SPMIP11: variants seen among roughly 807,000 people sequenced by gnomAD.
SPMIP11 encodes the protein long intergenic non-protein coding RNA 935.
chr12:48,770,200 G>A, the SPMIP11 span, among the ~76,000 whole-genome samples: 1 of 151,390 alleles, frequency 6.6e-6, no homozygotes, highest in Admixed American at 6.6e-5. Context: ...CACCGCGCCC[G>A]GCATGGCTTC....
At chr12:48,759,208 G>A in the SPMIP11 span, 1 of 702,820 alleles carries the variant, frequency 1.4e-6, no homozygotes, top group South Asian at 1.5e-5. Flanking sequence ...TCTAATTTCA[G>A]ACCAGAAGGA....
chr12:48,752,475 C>T, the SPMIP11 span, among the ~76,000 whole-genome samples: 1 of 152,238 alleles, frequency 6.6e-6, no homozygotes, highest in East Asian at 1.9e-4. Flanking sequence ...CCCAGGCTCA[C>T]CATTCCTCTT....
chr12:48,743,163 T>C, the SPMIP11 span, among the ~76,000 whole-genome samples: 1 of 148,818 alleles, frequency 6.7e-6, no homozygotes, highest in Non-Finnish European at 1.5e-5. Context: ...TTTGGGAAGG[T>C]GGGCAAATTA....
At chr12:48,748,637 C>T in the SPMIP11 span, among the ~76,000 whole-genome samples, 1 of 152,136 alleles carries the variant, frequency 6.6e-6, no homozygotes, top group South Asian at 2.1e-4. Context: ...ATTCACTCTC[C>T]TAGTCTCCTG....
chr12:48,747,346 A>G, the SPMIP11 span, among the ~76,000 whole-genome samples: 1 of 152,144 alleles, frequency 6.6e-6, no homozygotes, highest in Non-Finnish European at 1.5e-5. Flanking sequence ...CAGCCTGAAG[A>G]ATGAGGAGCT....
chr12:48,749,708 T>C, the SPMIP11 span, among the ~76,000 whole-genome samples: 4 of 148,124 alleles, frequency 2.7e-5, no homozygotes, highest in East Asian at 2.0e-4. Flanking sequence ...TTTTTTTTTT[T>C]CCAGATGGAG....
At chr12:48,741,969 C>T in the SPMIP11 span, among the ~76,000 whole-genome samples, 1 of 152,146 alleles carries the variant, frequency 6.6e-6, no homozygotes, top group African/African-American at 2.4e-5. Context: ...AACTTTCACC[C>T]ACTGATTTTA....
chr12:48,756,044 ATT>A, the SPMIP11 span, among the ~76,000 whole-genome samples: 1 of 143,538 alleles, frequency 7.0e-6, no homozygotes, highest in African/African-American at 2.6e-5. Context: ...CACCTGGCTA[ATT>A]TTTTTTTTTT....
the SPMIP11 span, among the ~76,000 whole-genome samples, chr12:48,770,552 G>A: frequency 2.6e-5 from 4 of 152,248 alleles, no homozygotes; most frequent in Admixed American, 6.5e-5. Flanking sequence ...AATGAAAGGC[G>A]ATAATAGTAT....
the SPMIP11 span, chr12:48,769,121 T>C: frequency 6.9e-7 from 1 of 1,452,700 alleles, no homozygotes; most frequent in Non-Finnish European, 9.2e-7. Context: ...CAGGGAGTCA[T>C]CCCACCTCCT....
the SPMIP11 span, among the ~76,000 whole-genome samples, chr12:48,731,716 A>G: frequency 6.6e-6 from 1 of 152,124 alleles, no homozygotes; most frequent in African/African-American, 2.4e-5. Flanking sequence ...GAGTAACTGG[A>G]TGTGTTCTTT....
At chr12:48,759,853 C>T in the SPMIP11 span, among the ~76,000 whole-genome samples, 1 of 152,144 alleles carries the variant, frequency 6.6e-6, no homozygotes, top group African/African-American at 2.4e-5. Flanking sequence ...GTCACCCAGC[C>T]TGGAGTGCAA....
chr12:48,741,504 C>T, the SPMIP11 span, among the ~76,000 whole-genome samples: 2 of 152,118 alleles, frequency 1.3e-5, no homozygotes, highest in African/African-American at 4.8e-5. Context: ...TCGGGAGGCT[C>T]ATGATGTCAT....
At chr12:48,764,801 C>A in the SPMIP11 span, 2 of 693,792 alleles carry the variant, frequency 2.9e-6, no homozygotes, top group Non-Finnish European at 5.3e-6. Flanking sequence ...GAACAGTGAG[C>A]AGAGAACTTG....
At chr12:48,757,051 C>T in the SPMIP11 span, among the ~76,000 whole-genome samples, 29 of 152,234 alleles carry the variant, frequency 1.9e-4, no homozygotes, top group African/African-American at 7.0e-4. Context: ...GCTGGAATTA[C>T]AGGCATGAGC....
the SPMIP11 span, among the ~76,000 whole-genome samples, chr12:48,747,824 G>GACA: frequency 6.6e-6 from 1 of 152,206 alleles, no homozygotes; most frequent in African/African-American, 2.4e-5. Context: ...CAAGCTGTGA[G>GACA]ACACATAGGC....
the SPMIP11 span, among the ~76,000 whole-genome samples, chr12:48,730,384 G>C: frequency 6.6e-6 from 1 of 151,904 alleles, no homozygotes; most frequent in Non-Finnish European, 1.5e-5. Context: ...CATCAAATAT[G>C]CCACCCCTAC....
chr12:48,742,285 T>TTTTC, the SPMIP11 span, among the ~76,000 whole-genome samples: 1 of 140,900 alleles, frequency 7.1e-6, no homozygotes, highest in Non-Finnish European at 1.5e-5. Context: ...TTCCTTTTTT[T>TTTTC]TTTTTTTTTT....
the SPMIP11 span, among the ~76,000 whole-genome samples, chr12:48,743,578 G>A: frequency 2.0e-5 from 3 of 152,056 alleles, no homozygotes; most frequent in South Asian, 2.1e-4. Context: ...AGGCCAAGGC[G>A]GGCAGATTGC....
Sources: gnomAD v4.1 joint callset for allele counts (sites outside exome capture counted in the v4.1 genomes callset) on GRCh38, gnomAD v4.1.1 for gene constraint, MANE v1.5 for transcripts, NCBI Gene and HGNC (gene_info 2026-07-23, HGNC 2026-07-21) for gene names.